Variants in GPC6 observed in about 807,000 individuals in gnomAD.
GPC6 encodes glypican 6.
Under a neutral mutation model 55.2 loss-of-function variants are expected in GPC6, and 14 were observed. That is an observed-to-expected ratio of 0.25 (90% CI 0.17 to 0.40). The LOEUF is 0.40. Among genes scored for constraint, GPC6 ranks in the 10% least tolerant of loss-of-function variants. GPC6 has a pLI of 1.00. For synonymous variants in GPC6, 278 were observed against 259.6 expected (o/e 1.07, Z -0.68); for missense variants, 641 against 708.5 (o/e 0.90, Z 1.08).
At chr13:93,622,977 T>C (rs1879022707) in intron 2 of GPC6, among the ~76,000 whole-genome samples, 1 of 152,224 alleles carries the variant, frequency 6.6e-6, no homozygotes, top group Non-Finnish European at 1.5e-5. Flanking sequence ...GATTAGCTTT[T>C]TAATATTCTG....
intron 4 of GPC6, among the ~76,000 whole-genome samples, chr13:94,060,422 G>A (rs1197607508): frequency 2.6e-5 from 4 of 152,114 alleles, no homozygotes; most frequent in African/African-American, 7.2e-5. Context: ...AGGTGTTCAG[G>A]AAATACACGC....
chr13:93,906,846 T>C (rs938131364), intron 3 of GPC6, among the ~76,000 whole-genome samples: 2 of 152,196 alleles, frequency 1.3e-5, no homozygotes, highest in Admixed American at 6.5e-5. Flanking sequence ...TTGGTAGCTC[T>C]TACAAACTGA....
chr13:93,936,861 T>C (rs2083265450), intron 3 of GPC6, among the ~76,000 whole-genome samples: 1 of 152,332 alleles, frequency 6.6e-6, no homozygotes, highest in South Asian at 2.1e-4. Context: ...AAATGCAATA[T>C]GTATGACCTA....
intron 4 of GPC6, among the ~76,000 whole-genome samples, chr13:94,168,137 A>T (rs1300130758): frequency 6.6e-6 from 1 of 152,244 alleles, no homozygotes; most frequent in Non-Finnish European, 1.5e-5. Flanking sequence ...AAGACAACTC[A>T]GCCAGTAAAT....
At chr13:93,293,616 A>G (rs1459857078) in intron 1 of GPC6, among the ~76,000 whole-genome samples, 1 of 152,196 alleles carries the variant, frequency 6.6e-6, no homozygotes, top group Non-Finnish European at 1.5e-5. Context: ...TGGGTGATTT[A>G]TATAATGGAA....
chr13:93,969,361 G>A (rs1880185900), intron 3 of GPC6, among the ~76,000 whole-genome samples: 1 of 152,186 alleles, frequency 6.6e-6, no homozygotes, highest in African/African-American at 2.4e-5. Context: ...CCTGGAAGTA[G>A]AGAAGGAAAC....
chr13:93,454,725 C>A (rs974236585), intron 1 of GPC6, among the ~76,000 whole-genome samples: 1 of 152,224 alleles, frequency 6.6e-6, no homozygotes, highest in Non-Finnish European at 1.5e-5. Context: ...CTGGCTTCAC[C>A]CAGTGGATCC....
At chr13:93,315,122 C>CT (rs1363785940) in intron 1 of GPC6, among the ~76,000 whole-genome samples, 1 of 151,118 alleles carries the variant, frequency 6.6e-6, no homozygotes, top group Non-Finnish European at 1.5e-5. Context: ...TAGTTATGTC[C>CT]TTTTGAAAAA....
At chr13:93,269,789 A>T (rs1877450948) in intron 1 of GPC6, among the ~76,000 whole-genome samples, 1 of 127,338 alleles carries the variant, frequency 7.9e-6, no homozygotes, top group African/African-American at 2.7e-5. Context: ...AAAAAAAAAA[A>T]ATTAACGGGG....
At chr13:94,045,745 CAA>C (rs541767325) in intron 4 of GPC6, among the ~76,000 whole-genome samples, 10 of 116,148 alleles carry the variant, frequency 8.6e-5, no homozygotes, top group Admixed American at 1.9e-4. Flanking sequence ...CATGGATTTT[CAA>C]AAAAAAAAAA....
intron 1 of GPC6, among the ~76,000 whole-genome samples, chr13:93,382,692 T>C (rs955562699): frequency 5.9e-5 from 9 of 152,314 alleles, no homozygotes; most frequent in Admixed American, 5.9e-4. Flanking sequence ...AAAATTGACA[T>C]TATGCCATTA....
chr13:94,056,785 G>C (rs1230016562), intron 4 of GPC6, among the ~76,000 whole-genome samples: 1 of 152,080 alleles, frequency 6.6e-6, no homozygotes, highest in African/African-American at 2.4e-5. Context: ...CCAATCTGAG[G>C]GGTCATGTAG....
chr13:93,487,768 C>G (rs1310970674), intron 1 of GPC6, among the ~76,000 whole-genome samples: 1 of 151,970 alleles, frequency 6.6e-6, no homozygotes, highest in Non-Finnish European at 1.5e-5. Context: ...TCCGCATGTT[C>G]TAGGGGAAAT....
At chr13:93,287,485 G>A (rs780048100) in intron 1 of GPC6, among the ~76,000 whole-genome samples, 7 of 152,136 alleles carry the variant, frequency 4.6e-5, no homozygotes, top group Non-Finnish European at 1.0e-4. Flanking sequence ...CTTTACTCTT[G>A]GAAATGCCAG....
At chr13:94,186,194 A>G (rs1889181167) in intron 4 of GPC6, among the ~76,000 whole-genome samples, 1 of 152,136 alleles carries the variant, frequency 6.6e-6, no homozygotes, top group Non-Finnish European at 1.5e-5. Context: ...GAGAAACACA[A>G]TGCATATTTA....
At chr13:94,253,424 CG>C (rs1410667572) in intron 4 of GPC6, among the ~76,000 whole-genome samples, 1 of 152,048 alleles carries the variant, frequency 6.6e-6, no homozygotes, top group Non-Finnish European at 1.5e-5. Context: ...TTTATCTCAA[CG>C]GTTCTTCTTT....
At chr13:94,271,002 TTTTC>T (rs1891982979) in intron 4 of GPC6, among the ~76,000 whole-genome samples, 1 of 64,902 alleles carries the variant, frequency 1.5e-5, no homozygotes, top group African/African-American at 6.2e-5. Flanking sequence ...TTTTTTTTTT[TTTTC>T]TGAGACGGAG....
intron 6 of GPC6, among the ~76,000 whole-genome samples, chr13:94,309,843 C>T (rs1876148280): frequency 6.6e-6 from 1 of 151,602 alleles, no homozygotes; most frequent in South Asian, 2.1e-4. Context: ...AACAAACTCC[C>T]CTTAGAAGCC....
chr13:93,753,922 C>T, intron 2 of GPC6, among the ~76,000 whole-genome samples: 1 of 152,120 alleles, frequency 6.6e-6, no homozygotes, highest in Non-Finnish European at 1.5e-5. Context: ...ACTGGGACCA[C>T]AGATGTGAGC....
Sources: allele counts gnomAD v4.1 joint callset (sites outside exome capture counted in the v4.1 genomes callset), GRCh38; gene constraint gnomAD v4.1.1; transcripts MANE v1.5; gene names NCBI Gene and HGNC (gene_info 2026-07-23, HGNC 2026-07-21).